Variants in RIMS3 observed in about 807,000 individuals in gnomAD.
RIMS3 encodes regulating synaptic membrane exocytosis 3, also known as regulating synaptic membrane exocytosis protein 3.
RIMS3 carries 15 observed loss-of-function variants against 29.2 expected under a neutral mutation model. The ratio of observed to expected loss-of-function variants is 0.51; its 90% CI spans 0.34 to 0.79. The LOEUF (loss-of-function observed/expected upper bound fraction) is 0.79. Among genes scored for constraint, RIMS3 ranks in the 30% least tolerant of loss-of-function variants. The pLI is 0.01. For missense variants in RIMS3, 342 were observed against 421.4 expected (o/e 0.81, Z 1.65); for synonymous variants, 161 against 170.1 (o/e 0.95, Z 0.41).
chr1:40,638,475 C>A (rs1646534940), intron 3 of RIMS3, among the ~76,000 whole-genome samples: 1 of 152,148 alleles, frequency 6.6e-6, no homozygotes, highest in Admixed American at 6.5e-5. Flanking sequence ...CTCCAGAGAC[C>A]AAAAGACTCC....
chr1:40,633,996 T>G (rs1041054461), intron 4 of RIMS3, among the ~76,000 whole-genome samples: 4 of 152,202 alleles, frequency 2.6e-5, no homozygotes, highest in African/African-American at 7.2e-5. Flanking sequence ...TAGTTCCGGT[T>G]GCTGCTGTTG....
chr1:40,645,366 G>C (rs1298253193), intron 2 of RIMS3, among the ~76,000 whole-genome samples: 2 of 152,164 alleles, frequency 1.3e-5, no homozygotes, highest in Admixed American at 1.3e-4. Flanking sequence ...AGAAAACTGA[G>C]TCTCAGAGAA....
intron 2 of RIMS3, among the ~76,000 whole-genome samples, chr1:40,644,262 C>T (rs996146414): frequency 6.6e-6 from 1 of 152,230 alleles, no homozygotes; most frequent in African/African-American, 2.4e-5. Flanking sequence ...CAGTTTGAAT[C>T]AGAGTTCTCT....
At chr1:40,638,087 G>A (rs532177290) in intron 3 of RIMS3, among the ~76,000 whole-genome samples, 23 of 152,212 alleles carry the variant, frequency 1.5e-4, no homozygotes, top group Non-Finnish European at 2.6e-4. Context: ...ACCCTGAGTC[G>A]GGGAGTCACA....
At chr1:40,630,499 C>T (rs1161114877) in intron 5 of RIMS3, among the ~76,000 whole-genome samples, 2 of 152,180 alleles carry the variant, frequency 1.3e-5, no homozygotes, top group African/African-American at 4.8e-5. Flanking sequence ...TTATCTGAGC[C>T]ATCATGAAAT....
the RIMS3 span, among the ~76,000 whole-genome samples, chr1:40,685,306 TAATA>T: frequency 1.0e-4 from 2 of 19,848 alleles, no homozygotes; most frequent in Admixed American, 3.7e-4. Context: ...TTATATATAT[TAATA>T]TATATAATTA....
At chr1:40,627,768 ATT>A (rs11315244) in intron 7 of RIMS3, among the ~76,000 whole-genome samples, 8,661 of 148,778 alleles carry the variant, frequency 0.058, 263 homozygotes, top group African/African-American at 0.073. Flanking sequence ...TGACCAGATA[ATT>A]TTTTTTTTTT....
chr1:40,651,400 G>A (rs905513784), intron 1 of RIMS3, among the ~76,000 whole-genome samples: 2 of 152,206 alleles, frequency 1.3e-5, no homozygotes, highest in African/African-American at 4.8e-5. Flanking sequence ...GAGGGGCACG[G>A]AACAGATTTT....
chr1:40,648,700 C>A (rs539319605), intron 1 of RIMS3, among the ~76,000 whole-genome samples: 1 of 152,192 alleles, frequency 6.6e-6, no homozygotes, highest in South Asian at 2.1e-4. Context: ...ACACCAGGTG[C>A]AACCATTGCA....
intron 5 of RIMS3, among the ~76,000 whole-genome samples, chr1:40,629,574 G>A (rs1219005029): frequency 6.6e-6 from 1 of 152,166 alleles, no homozygotes; most frequent in African/African-American, 2.4e-5. Context: ...CCCTTGGGGT[G>A]GGTTGGGGTA....
Position 40,623,854 on chromosome 1 carries a change from C to T in RIMS3, c.*2663G>A, listed in dbSNP as rs1646436834. The T allele has an allele frequency of 7.3e-6, 2 of 274,108 alleles. No homozygotes were observed. The highest frequency in any genetic ancestry group is 3.4e-4 in the South Asian group (2 of 5,922). The allele number at this position is 274,108 out of a possible 1,614,324, so 17.0% of individuals were successfully genotyped here. A position where few individuals can be genotyped will look rare whatever the true frequency, so the allele number is the denominator to read the frequency against. On this transcript the variant is annotated 3_prime_UTR_variant, in exon 8 of 8. Coordinates refer to ENST00000372684, the MANE Select transcript of RIMS3 (RefSeq NM_014747.3). ...ATCACACAGACGTGTCAGCCTCACACAACTTTACCCTCATGGGGTAAAATC... is the reference window on the plus strand; with the variant it reads ...ATCACACAGACGTGTCAGCCTCACATAACTTTACCCTCATGGGGTAAAATC...
intron 2 of RIMS3, among the ~76,000 whole-genome samples, chr1:40,642,632 T>A (rs1646566027): frequency 6.6e-6 from 1 of 152,172 alleles, no homozygotes; most frequent in African/African-American, 2.4e-5. Context: ...ACTGCAAATA[T>A]CATTTTATAT....
chr1:40,657,934 A>T (rs915837482), intron 1 of RIMS3, among the ~76,000 whole-genome samples: 8 of 152,058 alleles, frequency 5.3e-5, no homozygotes, highest in African/African-American at 1.7e-4. Flanking sequence ...TATATGTTTT[A>T]AAAAAATAAA....
the RIMS3 span, among the ~76,000 whole-genome samples, chr1:40,684,587 G>A: frequency 6.6e-6 from 1 of 151,542 alleles, no homozygotes; most frequent in Non-Finnish European, 1.5e-5. Context: ...GAGAATTAAG[G>A]ATAAGAGAAA....
intron 2 of RIMS3, among the ~76,000 whole-genome samples, chr1:40,643,276 C>T (rs554371083): frequency 2.3e-4 from 35 of 152,056 alleles, no homozygotes; most frequent in Admixed American, 1.2e-3. Context: ...GGATTACAGG[C>T]GCCCGCCACC....
intron 7 of RIMS3, among the ~76,000 whole-genome samples, chr1:40,628,064 T>G (rs996548820): frequency 2.0e-5 from 3 of 152,184 alleles, no homozygotes; most frequent in Non-Finnish European, 4.4e-5. Flanking sequence ...GCCACCACCA[T>G]GATTGTTAAT....
At chr1:40,627,768 A>ATTT (rs11315244) in intron 7 of RIMS3, among the ~76,000 whole-genome samples, 1 of 148,706 alleles carries the variant, frequency 6.7e-6, no homozygotes, top group East Asian at 2.0e-4. Flanking sequence ...TGACCAGATA[A>ATTT]TTTTTTTTTT....
At chr1:40,670,429 G>A (rs1642477444), upstream of RIMS3, among the ~76,000 whole-genome samples, 1 of 151,482 alleles carries the variant, frequency 6.6e-6, no homozygotes, top group Non-Finnish European at 1.5e-5. Flanking sequence ...TTACACAAAG[G>A]CCCTGAAGTT....
At chr1:40,642,027 C>G (rs1534955) in intron 2 of RIMS3, 71 bp from the exon 3 acceptor site, 271,178 of 948,932 alleles carry the variant, frequency 0.29, 40,348 homozygotes, top group Non-Finnish European at 0.3. Context: ...CCACCACTTC[C>G]TAGCTGCGTG....
Sources: allele counts gnomAD v4.1 joint callset (sites outside exome capture counted in the v4.1 genomes callset), GRCh38; gene constraint gnomAD v4.1.1; transcripts MANE v1.5; gene names NCBI Gene and HGNC (gene_info 2026-07-23, HGNC 2026-07-21).